ACSS3: variants seen among roughly 807,000 people sequenced by gnomAD.
The protein encoded by ACSS3 is acyl-CoA synthetase short chain family member 3.
A neutral mutation model predicts 84.2 loss-of-function variants in ACSS3; 64 were observed. The observed-to-expected ratio is 0.76, with a 90% CI of 0.62 to 0.94. The LOEUF is 0.94. Ranked by LOEUF, ACSS3 falls within the 40% of genes least tolerant of loss-of-function variation. ACSS3 has a pLI of 0.00. For synonymous variants in ACSS3, 317 were observed against 310.1 expected, an observed-to-expected ratio of 1.02 and a Z score of -0.23; for missense variants, 815 against 867.6, an observed-to-expected ratio of 0.94 and a Z score of 0.76.
rs1164958609 is a variant in ACSS3 at position 81,153,387 on chromosome 12, G to A, written c.1098+1291G>A. On this transcript the variant is annotated intron_variant, in intron 7 of 15. Coordinates refer to ENST00000548058, the MANE Select transcript of ACSS3 (RefSeq NM_024560.4). The stretch of plus-strand genomic sequence containing the variant: ...CATGCAGCTGCACTCCAGCCTGGGC[G>A]ACAGAGTGAGACTCCATCTCAAAAA... 5.5e-5 allele frequency among the ~76,000 whole-genome samples: 8 copies of A among 145,728 alleles called. No homozygotes were observed. The East Asian group carries it at 1.6e-3, about 29-fold the overall frequency.
intron 7 of ACSS3, among the ~76,000 whole-genome samples, chr12:81,155,584 T>C (rs1488736596): frequency 6.6e-6 from 1 of 152,220 alleles, no homozygotes; most frequent in African/African-American, 2.4e-5. Flanking sequence ...TGCAAGTGAT[T>C]CTTAAGTTCA....
chr12:81,238,692 C>G (rs1199556427), intron 13 of ACSS3, among the ~76,000 whole-genome samples: 2 of 151,448 alleles, frequency 1.3e-5, no homozygotes, highest in Non-Finnish European at 3.0e-5. Flanking sequence ...TTTTAATGTC[C>G]ATGATCTGTA....
At chr12:81,202,466 G>A (rs150467037) in intron 9 of ACSS3, among the ~76,000 whole-genome samples, 1 of 152,164 alleles carries the variant, frequency 6.6e-6, no homozygotes, top group East Asian at 1.9e-4. Flanking sequence ...TCCTAGTTTT[G>A]TATATCAAAT....
At chr12:81,234,929 T>A (rs1434191948) in intron 13 of ACSS3, among the ~76,000 whole-genome samples, 1 of 151,506 alleles carries the variant, frequency 6.6e-6, no homozygotes, top group Non-Finnish European at 1.5e-5. Flanking sequence ...ATCATTTTTT[T>A]CTTTTACGGA....
chr12:81,205,579 A>G (rs767283935), intron 9 of ACSS3, among the ~76,000 whole-genome samples: 7 of 152,152 alleles, frequency 4.6e-5, no homozygotes, highest in Non-Finnish European at 8.8e-5. Context: ...CTAAGTAAAC[A>G]CATTGTAAAA....
chr12:81,174,955 A>C lies in ACSS3; in HGVS notation c.1250+16A>C. 2 of 1,612,366 alleles carry C rather than the reference A, an allele frequency of 1.2e-6. No individual in the cohort carries two copies. The highest frequency in any genetic ancestry group is 8.5e-7 in the Non-Finnish European group (1 of 1,178,870). ...CTCTGACAAGGTGACGTTGGGATGC[A>C]CAGGGCAAATGACATTAGAAAGTGC... is the stretch of plus-strand genomic sequence containing the variant. On this transcript the variant is annotated intron_variant, in intron 8 of 15. Transcript: ENST00000548058.
At chr12:81,146,596 C>T (rs942129477) in intron 5 of ACSS3, among the ~76,000 whole-genome samples, 5 of 152,156 alleles carry the variant, frequency 3.3e-5, no homozygotes, top group African/African-American at 1.2e-4. Context: ...CATTTGCCAA[C>T]CCTGGAGTTG....
At chr12:81,107,341 C>A (rs1213998484) in intron 1 of ACSS3, among the ~76,000 whole-genome samples, 1 of 150,962 alleles carries the variant, frequency 6.6e-6, no homozygotes, top group Non-Finnish European at 1.5e-5. Context: ...TTGAGGGAAG[C>A]CCCTTTTTTG....
intron 13 of ACSS3, among the ~76,000 whole-genome samples, chr12:81,252,596 C>T (rs1040248422): frequency 2.0e-5 from 3 of 151,862 alleles, no homozygotes; most frequent in African/African-American, 7.3e-5. Flanking sequence ...TTAAAAGTCC[C>T]GTCACCATAT....
chr12:81,130,515 TTCTG>T (rs1885419921), intron 2 of ACSS3, among the ~76,000 whole-genome samples: 1 of 152,232 alleles, frequency 6.6e-6, no homozygotes, highest in South Asian at 2.1e-4. Flanking sequence ...TCTTTGTAGA[TTCTG>T]GATATTAGCT....
chr12:81,125,488 A>G (rs553205354), intron 2 of ACSS3: 1 of 152,130 alleles, frequency 6.6e-6, no homozygotes, highest in African/African-American at 2.4e-5. Context: ...GTCTTCACTT[A>G]ACTTCTATAT....
chr12:81,137,195 A>G (rs1035187376), intron 3 of ACSS3, among the ~76,000 whole-genome samples: 7 of 151,762 alleles, frequency 4.6e-5, no homozygotes, highest in Non-Finnish European at 1.0e-4. Flanking sequence ...TCTAGGGAAA[A>G]AATATCAGTC....
At position 81,134,940 on chromosome 12, in the gene ACSS3, T is replaced by C; in HGVS notation, c.581T>C (p.Ile194Thr). Residue 194 changes from isoleucine to threonine, a missense_variant, in exon 3 of 16, where the codon ATC (isoleucine) becomes ACC (threonine). Physicochemically the swap from Ile to Thr is moderately conservative, Grantham distance 89. Coordinates refer to ENST00000548058, the MANE Select transcript of ACSS3 (RefSeq NM_024560.4). Reference protein sequence around the residue: ...TMLACARIGAIHSLIFGGFAS... With the variant: ...TMLACARIGATHSLIFGGFAS... ...TTGGCATGTGCAAGGATAGGTGCCATCCACAGTCTCATATTTGGAGGATTT... is the reference window on the plus strand; with the variant it reads ...TTGGCATGTGCAAGGATAGGTGCCACCCACAGTCTCATATTTGGAGGATTT... 6.2e-7 allele frequency: 1 copy of C among 1,606,628 alleles called. No individual in the cohort carries two copies. Among genetic ancestry groups the C allele is most frequent in the Non-Finnish European group, 8.5e-7 (1 of 1,175,898 alleles).
chr12:81,129,236 A>C (rs2574739), intron 2 of ACSS3, among the ~76,000 whole-genome samples: 135,156 of 152,120 alleles, frequency 0.89, 61,063 homozygotes, highest in Middle Eastern at 0.97. Flanking sequence ...AATCAATTGT[A>C]GGTATGTATC....
chr12:81,196,053 A>G (rs2031811186), intron 8 of ACSS3, among the ~76,000 whole-genome samples: 1 of 152,206 alleles, frequency 6.6e-6, no homozygotes, highest in South Asian at 2.1e-4. Context: ...ACATTAAGTA[A>G]TAGATTGTCT....
rs116044653 is a variant in ACSS3 at position 81,107,915 on chromosome 12, G to A, written c.312-1645G>A. On this transcript the variant is annotated intron_variant, in intron 1 of 15. Coordinates refer to ENST00000548058, the MANE Select transcript of ACSS3 (RefSeq NM_024560.4). ...CTGGGAGGCTGTTCTCCTGGAGAAG[G>A]TAGTGGTGCAGGAGAGCTAGCCTCT... 3.0e-3 allele frequency among the ~76,000 whole-genome samples: 461 copies of A among 152,062 alleles called. 3 individuals carry two copies. The highest frequency in any genetic ancestry group is 0.011 in the African/African-American group (439 of 41,504).
chr12:81,139,092 T>C (rs1258222157), intron 3 of ACSS3, 39 bp from the exon 4 acceptor site: 2 of 1,593,420 alleles, frequency 1.3e-6, no homozygotes, highest in African/African-American at 2.7e-5. Context: ...TAATTAACAT[T>C]GTTAAAGCTT....
chr12:81,235,054 G>A (rs1001030881), intron 13 of ACSS3, among the ~76,000 whole-genome samples: 15 of 150,788 alleles, frequency 9.9e-5, no homozygotes, highest in Admixed American at 2.7e-4. Context: ...CAGTTTTATT[G>A]TTTTACATTT....
chr12:81,161,432 G>A (rs1887141171), intron 7 of ACSS3, among the ~76,000 whole-genome samples: 1 of 152,168 alleles, frequency 6.6e-6, no homozygotes, highest in Non-Finnish European at 1.5e-5. Context: ...GAATTCCCTG[G>A]CTCACCATTA....
Sources: allele counts gnomAD v4.1 joint callset (sites outside exome capture counted in the v4.1 genomes callset), GRCh38; gene constraint gnomAD v4.1.1; transcripts MANE v1.5; gene names NCBI Gene and HGNC (gene_info 2026-07-23, HGNC 2026-07-21).